Variants in AGRN observed in about 807,000 individuals in gnomAD.
The protein encoded by AGRN is agrin.
In AGRN, 106 loss-of-function variants were observed where a neutral mutation model predicts 211.0. That is an observed-to-expected ratio of 0.50 (90% CI 0.43 to 0.59). AGRN has a LOEUF of 0.59. Among genes scored for constraint, AGRN ranks in the 20% least tolerant of loss-of-function variants. The pLI, the probability that AGRN is intolerant of heterozygous loss-of-function variation, is 0.00. For synonymous variants in AGRN, 1,525 were observed against 1,332.5 expected (o/e 1.14, Z -3.15); for missense variants, 3,040 against 2,982.6 (o/e 1.02, Z -0.45).
chr1:1,040,597 T>G lies in AGRN; in HGVS notation c.512-68T>G. 2.0e-6 allele frequency: 3 copies of G among 1,520,766 alleles called. No homozygotes were observed. In the South Asian group the frequency reaches 3.6e-5, roughly 18 times the overall value. 94.2% of individuals were successfully genotyped at this position (1,520,766 alleles called of 1,614,324 possible). Reference sequence around the variant, plus strand: ...TGCGCGGGCTGCGAGCACGGCAAGGTCTCTCAGGCTTGTGGACGTGGGTAC... The same window carrying G: ...TGCGCGGGCTGCGAGCACGGCAAGGGCTCTCAGGCTTGTGGACGTGGGTAC... On this transcript the variant is annotated intron_variant, in intron 3 of 35. Coordinates refer to ENST00000379370, the MANE Select transcript of AGRN (RefSeq NM_198576.4).
At chr1:1,045,632 C>T in intron 14 of AGRN, 101 bp from the exon 15 acceptor site, 1 of 1,606,694 alleles carries the variant, frequency 6.2e-7, no homozygotes, top group Non-Finnish European at 8.5e-7. Context: ...CCACACCTGG[C>T]TGGGGGCTGG....
In AGRN at chr1:1,047,666, G is replaced by C; in HGVS notation, c.3610G>C (p.Val1204Leu). The C allele has an allele frequency of 6.2e-7, 1 of 1,613,104 alleles. No homozygotes were observed. Among genetic ancestry groups the C allele is most frequent in the Non-Finnish European group, 8.5e-7 (1 of 1,180,018 alleles). The change falls in exon 21 of 36, where the codon GTG becomes CTG. Residue 1204 changes from valine (V) to leucine (L), a missense_variant. By Grantham distance (32) the Val-to-Leu change is conservative. This residue lies in a region of AGRN where 1,537 missense variants were observed against 1,505.0 expected (regional missense o/e 1.02). Transcript: ENST00000379370. Reference sequence around the variant, plus strand: ...GCCCGGCAAATCCGTCCGCGCCATTGTGGATGTGCACTTTGACCCCAGTGA... The same window carrying C: ...GCCCGGCAAATCCGTCCGCGCCATTCTGGATGTGCACTTTGACCCCAGTGA... ...LGPGKSVRAIVDVHFDPTTAF... is the reference protein window; with the variant it reads ...LGPGKSVRAILDVHFDPTTAF...
At position 1,031,335 on chromosome 1, in the gene AGRN, C is replaced by T. The variant is rs539889474; in HGVS notation, c.464-3942C>T. Among the ~76,000 whole-genome samples, 19 of 152,192 alleles carry T rather than the reference C, an allele frequency of 1.2e-4. No homozygotes were observed. The highest frequency in any genetic ancestry group is 1.1e-3 in the Admixed American group (17 of 15,288). ...GGTGCTGTGAGTGTGAGATCAGGGACCAGGGGGCTAGTACTCTTTCCTGCA... is the reference window on the plus strand; with the variant it reads ...GGTGCTGTGAGTGTGAGATCAGGGATCAGGGGGCTAGTACTCTTTCCTGCA... On this transcript the variant is annotated intron_variant, in intron 2 of 35. Coordinates refer to ENST00000379370, the MANE Select transcript of AGRN (RefSeq NM_198576.4). This position sits in a 1 kb window ranked among gnomAD's most constrained non-coding sequence, Gnocchi z 4.8.
rs1645109696 is a variant in AGRN at position 1,046,806 on chromosome 1, G to A, written c.3251-14G>A. 7 of 1,577,440 alleles carry A rather than the reference G, an allele frequency of 4.4e-6. No individual in the cohort carries two copies. Among genetic ancestry groups the A allele is most frequent in the Middle Eastern group, 1.7e-4 (1 of 6,040 alleles). The stretch of plus-strand genomic sequence containing the variant: ...GGCTCCACCAGAGCCTGGGCTCAGA[G>A]CGCGTCTCCCCAGGGCTCGAGCCCT... On this transcript the variant is annotated splice_polypyrimidine_tract_variant and intron_variant, in intron 18 of 35. Coordinates refer to ENST00000379370, the MANE Select transcript of AGRN (RefSeq NM_198576.4).
At chr1:1,054,082 C>A in intron 34 of AGRN, 105 bp downstream of exon 34, 1 of 1,253,294 alleles carries the variant, frequency 8.0e-7, no homozygotes, top group Non-Finnish European at 1.1e-6. Flanking sequence ...GGAGGACACG[C>A]CTTGCTGCCT....
chr1:1,040,076 C>G (rs1209656250), intron 3 of AGRN, among the ~76,000 whole-genome samples: 1 of 152,212 alleles, frequency 6.6e-6, no homozygotes, highest in Non-Finnish European at 1.5e-5. Flanking sequence ...CCTGGCCTCA[C>G]ACCCCGTCCC....
Position 1,020,850 on chromosome 1 carries a change from G to GGGT in AGRN, c.201+479_201+480insTGG, listed in dbSNP as rs975156049. On this transcript the variant is annotated intron_variant, in intron 1 of 35. Transcript: ENST00000379370. Reference sequence around the variant, plus strand: ...GGTGGGGGGTGCCGCAGTGGTGCGGGGGGGGGGCGTGCAGGAGCAGAGAGG... The same window carrying GGGT: ...GGTGGGGGGTGCCGCAGTGGTGCGGGGGTGGGGGGGCGTGCAGGAGCAGAGAGG... 2.4e-3 allele frequency among the ~76,000 whole-genome samples: 368 copies of GGGT among 150,446 alleles called. 41 individuals carry two copies. Among genetic ancestry groups the GGGT allele is most frequent in the Admixed American group, 0.012 (178 of 15,162 alleles).
chr1:1,047,152 G>T (rs1645122076), intron 19 of AGRN, 175 bp from the exon 20 acceptor site: 12 of 1,346,422 alleles, frequency 8.9e-6, no homozygotes, highest in Non-Finnish European at 4.0e-6. Flanking sequence ...CTGCTCTGAG[G>T]AGTCCTCCTG....
intron 1 of AGRN, among the ~76,000 whole-genome samples, chr1:1,021,486 G>A (rs1267194283): frequency 2.0e-5 from 3 of 152,218 alleles, no homozygotes; most frequent in Non-Finnish European, 4.4e-5. Context: ...CCCCCCATCC[G>A]GCAGCCCCAG....
Position 1,049,070 on chromosome 1 carries a change from AG to A in AGRN, c.4298+15del. Reference sequence around the variant, plus strand: ...CCGCGTGCAGCTCAGGTGGGCGGGGAGGGGACGGGGCCGGGGCAGCTCAGGT... The same window carrying A: ...CCGCGTGCAGCTCAGGTGGGCGGGGAGGGACGGGGCCGGGGCAGCTCAGGT... On this transcript the variant is annotated intron_variant, in intron 24 of 35. Transcript: ENST00000379370. 4.8e-6 allele frequency: 5 copies of A among 1,045,528 alleles called. No individual in the cohort carries two copies. Among genetic ancestry groups the A allele is most frequent in the Non-Finnish European group, 5.3e-6 (4 of 749,418 alleles). 64.8% of individuals were successfully genotyped at this position (1,045,528 alleles called of 1,614,324 possible). A position where few individuals can be genotyped will look rare whatever the true frequency, so the allele number is the denominator to read the frequency against.
chr1:1,048,060 C>A lies in AGRN; in HGVS notation c.3800C>A (p.Ala1267Glu). Residue 1267 changes from alanine (A) to glutamate (E), a missense_variant, in exon 23 of 36, where the codon GCG becomes GAG. This residue lies in a region of AGRN where 1,537 missense variants were observed against 1,505.0 expected (regional missense o/e 1.02). Coordinates refer to ENST00000379370, the MANE Select transcript of AGRN (RefSeq NM_198576.4). This position sits in a 1 kb window ranked among gnomAD's most constrained non-coding sequence, Gnocchi z 5.9. The part of the protein sequence containing the change: ...ITGATSGAIA[A>E]GATARATTAS... Reference sequence around the variant, plus strand: ...GGGGCCACGTCAGGAGCCATTGCTGCGGGAGCCACGGCCAGAGCCACCACT... The same window carrying A: ...GGGGCCACGTCAGGAGCCATTGCTGAGGGAGCCACGGCCAGAGCCACCACT... The A allele has an allele frequency of 6.3e-7, 1 of 1,584,076 alleles. No homozygotes were observed.
intron 2 of AGRN, among the ~76,000 whole-genome samples, chr1:1,027,956 A>C (rs537092132): frequency 2.6e-5 from 4 of 152,280 alleles, no homozygotes; most frequent in East Asian, 3.9e-4. Flanking sequence ...ACACCGGCCC[A>C]CGGCCGCCCC....
chr1:1,020,852 G>GGC lies in AGRN; in HGVS notation c.201+480_201+481insCG, dbSNP rs1553170890. Among the ~76,000 whole-genome samples, 2 of 146,932 alleles carry GGC rather than the reference G, an allele frequency of 1.4e-5. 1 individual carries two copies. ...TGGGGGGTGCCGCAGTGGTGCGGGGGGGGGGCGTGCAGGAGCAGAGAGGTG... is the reference window on the plus strand; with the variant it reads ...TGGGGGGTGCCGCAGTGGTGCGGGGGGCGGGGGCGTGCAGGAGCAGAGAGGTG... On this transcript the variant is annotated intron_variant, in intron 1 of 35. Coordinates refer to ENST00000379370, the MANE Select transcript of AGRN (RefSeq NM_198576.4).
Position 1,049,658 on chromosome 1 carries a change from C to G in AGRN, c.4607C>G (p.Pro1536Arg). 1 of 1,580,978 alleles carries G rather than the reference C, an allele frequency of 6.3e-7. No individual in the cohort carries two copies. Among genetic ancestry groups the G allele is most frequent in the Middle Eastern group, 1.7e-4 (1 of 6,022 alleles). The change falls in exon 26 of 36, where the codon CCG (proline) becomes CGG (arginine). Residue 1536 changes from proline (P) to arginine (R), a missense_variant. Around this residue, in one of 3 missense-constraint regions of AGRN, gnomAD observed 1,537 missense variants for 1,505.0 expected, o/e 1.02. Coordinates refer to ENST00000379370, the MANE Select transcript of AGRN (RefSeq NM_198576.4). ...NNQRLELGIGPGAATRGSGVG... is the reference protein window; with the variant it reads ...NNQRLELGIGRGAATRGSGVG... ...CAGCGCCTGGAGCTTGGCATTGGGC[C>G]GGGGGCTGCCACCCGAGGCTCTGGC...
intron 21 of AGRN, 28 bp from the exon 22 acceptor site, chr1:1,047,748 G>A: frequency 6.2e-7 from 1 of 1,611,132 alleles, no homozygotes; most frequent in East Asian, 2.2e-5. Flanking sequence ...CTGGGGCTCT[G>A]CCATGCTCAG....
chr1:1,028,593 G>T, intron 2 of AGRN, among the ~76,000 whole-genome samples: 1 of 112,954 alleles, frequency 8.9e-6, no homozygotes, highest in Non-Finnish European at 1.9e-5. Flanking sequence ...CCAGCCCCTC[G>T]TGGGCCAAGG....
intron 3 of AGRN, among the ~76,000 whole-genome samples, chr1:1,039,242 C>T (rs536297822): frequency 3.8e-4 from 57 of 151,488 alleles, no homozygotes; most frequent in Non-Finnish European, 6.8e-4. Context: ...AGACAGGGAT[C>T]TGGTGGGGGG....
intron 2 of AGRN, among the ~76,000 whole-genome samples, chr1:1,023,390 C>T (rs572904948): frequency 3.9e-5 from 6 of 152,264 alleles, no homozygotes; most frequent in East Asian, 3.9e-4. Flanking sequence ...AGGAACGCTG[C>T]GGCCTTTTCC....
intron 7 of AGRN, 134 bp downstream of exon 7, chr1:1,042,296 T>A: frequency 8.5e-7 from 1 of 1,177,778 alleles, no homozygotes; most frequent in South Asian, 1.5e-5. Flanking sequence ...CTGGGAAGGC[T>A]CTGGGGAGGG....
Sources: allele counts gnomAD v4.1 joint callset (sites outside exome capture counted in the v4.1 genomes callset), GRCh38; gene constraint gnomAD v4.1.1; regional missense constraint gnomAD v4.1.1; non-coding constraint Gnocchi (gnomAD v3.1); transcripts MANE v1.5; gene names NCBI Gene and HGNC (gene_info 2026-07-23, HGNC 2026-07-21).